Variants in GSN observed in about 807,000 individuals in gnomAD.
GSN encodes the protein gelsolin.
A neutral mutation model predicts 85.7 loss-of-function variants in GSN; 56 were observed. That is an observed-to-expected ratio of 0.65 (90% CI 0.53 to 0.82). GSN has a LOEUF of 0.82. Ranked by LOEUF, GSN falls within the 40% of genes least tolerant of loss-of-function variation. The pLI is 0.00. For synonymous variants in GSN, 373 were observed against 399.1 expected, an observed-to-expected ratio of 0.93 and a Z score of 0.78; for missense variants, 857 against 979.8, an observed-to-expected ratio of 0.87 and a Z score of 1.67.
intron 5 of GSN, chr9:121,311,491 CAG>C (rs1251676201): frequency 3.8e-5 from 6 of 157,838 alleles, no homozygotes; most frequent in African/African-American, 1.4e-4. Flanking sequence ...CATGGGCACA[CAG>C]AGGAGTGTGT....
chr9:121,318,630 C>A lies in GSN; in HGVS notation c.976-35C>A, dbSNP rs770540589. 6.4e-7 allele frequency: 1 copy of A among 1,558,330 alleles called. No individual in the cohort carries two copies. The highest frequency in any genetic ancestry group is 8.9e-7 in the Non-Finnish European group (1 of 1,129,514). ...CCCTGGGGACCCCTGCTGGGCAGCC[C>A]AGCCACATCCTGCTCCTCTGCCTCC... is the stretch of plus-strand genomic sequence containing the variant. On this transcript the variant is annotated intron_variant, in intron 9 of 17. Transcript: ENST00000432226. This position sits in a 1 kb window ranked among gnomAD's most constrained non-coding sequence, Gnocchi z 4.3.
Position 121,332,718 on chromosome 9 carries a change from G to GTGTT in GSN, c.*116_*117insGTTT. On this transcript the variant is annotated 3_prime_UTR_variant, in exon 18 of 18. Transcript: ENST00000432226. This position sits in a 1 kb window ranked among gnomAD's most constrained non-coding sequence, Gnocchi z 4.8. Reference sequence around the variant, plus strand: ...GCTATGAGTGTGTGTGTGTGTGTGTGTTGTTTCTTTTTTTTTTTTTTACAG... The same window carrying GTGTT: ...GCTATGAGTGTGTGTGTGTGTGTGTGTGTTTTGTTTCTTTTTTTTTTTTTTACAG... 1.4e-6 allele frequency: 1 copy of GTGTT among 694,230 alleles called. No individual in the cohort carries two copies. Among genetic ancestry groups the GTGTT allele is most frequent in the African/African-American group, 1.8e-5 (1 of 54,666 alleles). 43.0% of individuals were successfully genotyped at this position (694,230 alleles called of 1,614,324 possible).
At position 121,261,154 on chromosome 9, in the gene GSN, C is replaced by T. The variant is rs553188639; in HGVS notation, c.-340-4000C>T. Among the ~76,000 whole-genome samples the T allele has an allele frequency of 3.3e-5, 5 of 152,186 alleles. No homozygotes were observed. The highest frequency in any genetic ancestry group is 4.8e-5 in the African/African-American group (2 of 41,442). On this transcript the variant is annotated intron_variant, in intron 6 of 24. Coordinates refer to the GSN transcript ENST00000373823. This position sits in a 1 kb window ranked among gnomAD's most constrained non-coding sequence, Gnocchi z 4.1. ...CCCCTCCCATCCCACTGGTGGCCTG[C>T]GGGGACAGCTGAATGCCTTCTGGTC... is the stretch of plus-strand genomic sequence containing the variant.
At chr9:121,280,166 A>G (rs2057184961) in intron 1 of GSN, 1 of 152,254 alleles carries the variant, frequency 6.6e-6, no homozygotes, top group African/African-American at 2.4e-5. Flanking sequence ...GTTTAGGCAG[A>G]GAAATTTTCC....
chr9:121,286,414 G>A (rs866833463), intron 2 of GSN, among the ~76,000 whole-genome samples: 6 of 152,232 alleles, frequency 3.9e-5, no homozygotes, highest in African/African-American at 4.8e-5. Flanking sequence ...GGTATCCACT[G>A]TCTCAACCCC....
intron 1 of GSN, among the ~76,000 whole-genome samples, chr9:121,278,556 GAC>G: frequency 6.6e-6 from 1 of 152,204 alleles, no homozygotes; most frequent in African/African-American, 2.4e-5. Flanking sequence ...TCTCCCCAAA[GAC>G]TGGCCTTTCC....
intron 2 of GSN, chr9:121,286,128 T>TC: frequency 6.5e-7 from 1 of 1,534,968 alleles, no homozygotes; most frequent in East Asian, 2.4e-5. Flanking sequence ...CCCACATAGC[T>TC]CCCCCCAGCC....
chr9:121,234,565 G>A (rs1338332249), intron 5 of GSN, among the ~76,000 whole-genome samples: 5 of 152,324 alleles, frequency 3.3e-5, no homozygotes, highest in South Asian at 2.1e-4. Context: ...CTTTTGCCAT[G>A]AAGTGAATTC....
intron 12 of GSN, among the ~76,000 whole-genome samples, chr9:121,325,429 A>G (rs758702406): frequency 2.6e-5 from 4 of 152,164 alleles, no homozygotes; most frequent in Admixed American, 2.0e-4. Flanking sequence ...CAAGGGGAAA[A>G]TGCCATGATT....
chr9:121,286,752 A>C, intron 2 of GSN: 4 of 1,535,240 alleles, frequency 2.6e-6, no homozygotes, highest in Non-Finnish European at 3.5e-6. Flanking sequence ...TCTTCATGCC[A>C]CTGTGTACAG....
chr9:121,269,214 C>A (rs1482910956), intron 1 of GSN, among the ~76,000 whole-genome samples: 1 of 152,146 alleles, frequency 6.6e-6, no homozygotes, highest in Non-Finnish European at 1.5e-5. Context: ...ACACTTAATC[C>A]TGTGTGTCCT....
In GSN at chr9:121,332,526, G is replaced by A; in HGVS notation, c.2119G>A (p.Gly707Ser). The A allele has an allele frequency of 6.2e-7, 1 of 1,614,106 alleles. No individual in the cohort carries two copies. The highest frequency in any genetic ancestry group is 8.5e-7 in the Non-Finnish European group (1 of 1,179,998). ...AGGCTTTGAGCCTCCCTCCTTTGTG[G>A]GCTGGTTCCTTGGCTGGGATGATGA... Reference protein sequence around the residue: ...KQGFEPPSFVGWFLGWDDDYW... With the variant: ...KQGFEPPSFVSWFLGWDDDYW... The change falls in exon 18 of 18, where the codon GGC (glycine) becomes AGC (serine). Residue 707 changes from glycine to serine, a missense_variant. Transcript: ENST00000432226. The surrounding 1 kb of genome is among the most constrained non-coding windows in gnomAD (Gnocchi z 4.8).
intron 2 of GSN, among the ~76,000 whole-genome samples, chr9:121,300,708 A>G (rs1011440986): frequency 1.3e-5 from 2 of 152,070 alleles, no homozygotes; most frequent in Admixed American, 6.6e-5. Context: ...TTCATCTCCA[A>G]CAGCCTCCTG....
Position 121,302,501 on chromosome 9 carries a change from C to A in GSN, c.196+334C>A, listed in dbSNP as rs112333441. Among the ~76,000 whole-genome samples, 1,190 of 152,270 alleles carry A rather than the reference C, an allele frequency of 7.8e-3. 15 individuals are homozygous for A. The highest frequency in any genetic ancestry group is 0.027 in the African/African-American group (1,133 of 41,564). ...TGGGTGAATTGGAGACCCTGGACCTCTCCACAACTTCCCTGGCCCAGCTCC... is the reference window on the plus strand; with the variant it reads ...TGGGTGAATTGGAGACCCTGGACCTATCCACAACTTCCCTGGCCCAGCTCC... On this transcript the variant is annotated intron_variant, in intron 3 of 17. Transcript: ENST00000432226.
chr9:121,316,959 C>A, intron 7 of GSN, 127 bp from the exon 8 acceptor site: 1 of 1,163,088 alleles, frequency 8.6e-7, no homozygotes, highest in Non-Finnish European at 1.3e-6. Flanking sequence ...TAAATGTGTG[C>A]GAGAGGAAGC....
At chr9:121,213,150 G>A (rs2053998210) in intron 4 of GSN, among the ~76,000 whole-genome samples, 1 of 152,184 alleles carries the variant, frequency 6.6e-6, no homozygotes, top group Non-Finnish European at 1.5e-5. Context: ...CCCGGCCTAA[G>A]TATCTACAAG....
At chr9:121,228,952 C>A (rs551761080) in intron 4 of GSN, among the ~76,000 whole-genome samples, 1 of 152,256 alleles carries the variant, frequency 6.6e-6, no homozygotes, top group South Asian at 2.1e-4. Context: ...CTTCTAATAT[C>A]TTTAGCAAAT....
upstream of GSN, chr9:121,268,028 C>G (rs1026843103): frequency 6.6e-6 from 1 of 152,070 alleles, no homozygotes; most frequent in Non-Finnish European, 1.5e-5. Context: ...TGGAGCCACC[C>G]GCCCAGCAGC....
At chr9:121,251,536 A>T (rs2054836129) in intron 6 of GSN, among the ~76,000 whole-genome samples, 2 of 152,016 alleles carry the variant, frequency 1.3e-5, no homozygotes. Flanking sequence ...AATTATTTTT[A>T]AAATCATCAT....
Sources: allele counts gnomAD v4.1 joint callset (sites outside exome capture counted in the v4.1 genomes callset), GRCh38; gene constraint gnomAD v4.1.1; non-coding constraint Gnocchi (gnomAD v3.1); transcripts MANE v1.5; gene names NCBI Gene and HGNC (gene_info 2026-07-23, HGNC 2026-07-21).